Variants in CCDC63 observed in about 807,000 individuals in gnomAD.
CCDC63 encodes the protein coiled-coil domain-containing protein 63.
In CCDC63, 54 loss-of-function variants were observed where a neutral mutation model predicts 63.6. That is an observed-to-expected ratio of 0.85 (90% confidence interval 0.68 to 1.07). CCDC63 has a LOEUF of 1.07. CCDC63 is among the 50% of genes least tolerant of loss of function. The pLI is 0.00. For synonymous variants in CCDC63, 253 were observed against 266.1 expected (o/e 0.95, Z 0.48); for missense variants, 637 against 689.6 (o/e 0.92, Z 0.86).
chr12:110,904,019 C>T (rs1050889331), intron 10 of CCDC63, among the ~76,000 whole-genome samples: 3 of 152,048 alleles, frequency 2.0e-5, no homozygotes, highest in African/African-American at 4.8e-5. Context: ...ATTGAGATAC[C>T]GTATGTCTGC....
chr12:110,906,032 TAATAATATA>T, intron 11 of CCDC63, among the ~76,000 whole-genome samples: 4 of 74,382 alleles, frequency 5.4e-5, no homozygotes, highest in Admixed American at 2.4e-4. Context: ...TTATATATTA[TAATAATATA>T]ATATATAATA....
intron 1 of CCDC63, among the ~76,000 whole-genome samples, chr12:110,850,515 G>T (rs2070692695): frequency 6.6e-6 from 1 of 152,214 alleles, no homozygotes; most frequent in African/African-American, 2.4e-5. Context: ...GCCGAGGTGG[G>T]CGGATCACCT....
rs1338945501 is a variant in CCDC63, at chr12:110,858,870, C to A, written c.369+95C>A. 1.9e-5 allele frequency: 19 copies of A among 1,023,592 alleles called. No individual in the cohort carries two copies. In the African/African-American group the frequency reaches 2.7e-4, roughly 15 times the overall value. The allele number at this position is 1,023,592 out of a possible 1,614,324, so 63.4% of individuals were successfully genotyped here. On this transcript the variant is annotated intron_variant, in intron 4 of 11. Coordinates refer to ENST00000308208, the MANE Select transcript of CCDC63 (RefSeq NM_152591.3). ...GATGCCTTAGGCCAGACCTGACACC[C>A]CTGTATCACAGTATCTCCTCTGGAC...
intron 5 of CCDC63, among the ~76,000 whole-genome samples, chr12:110,878,094 G>C (rs2071154778): frequency 6.6e-6 from 1 of 152,098 alleles, no homozygotes; most frequent in South Asian, 2.1e-4. Context: ...TTAGCGTAAT[G>C]TCCTCCAGTT....
chr12:110,888,090 C>T (rs1365369336), intron 8 of CCDC63, among the ~76,000 whole-genome samples: 2 of 152,208 alleles, frequency 1.3e-5, no homozygotes, highest in Non-Finnish European at 2.9e-5. Context: ...CATCGGCTCC[C>T]TCTTCGCTCA....
At chr12:110,855,163 A>G (rs1453342856) in intron 3 of CCDC63, among the ~76,000 whole-genome samples, 2 of 152,196 alleles carry the variant, frequency 1.3e-5, no homozygotes, top group East Asian at 1.9e-4. Flanking sequence ...AGGGACCTCC[A>G]TGTGAATTTT....
chr12:110,904,449 C>A, intron 10 of CCDC63, 139 bp from the exon 11 acceptor site: 2 of 687,516 alleles, frequency 2.9e-6, no homozygotes, highest in Non-Finnish European at 2.6e-6. Flanking sequence ...AGGAGAAAGC[C>A]TTTTCCTTGT....
intron 9 of CCDC63, among the ~76,000 whole-genome samples, chr12:110,896,022 T>C (rs532121587): frequency 6.6e-6 from 1 of 152,350 alleles, no homozygotes; most frequent in Admixed American, 6.5e-5. Context: ...GTAAAGTACC[T>C]GGAATATTTT....
intron 9 of CCDC63, 86 bp downstream of exon 9, chr12:110,893,236 C>T (rs1008300986): frequency 9.9e-6 from 11 of 1,114,326 alleles, no homozygotes; most frequent in East Asian, 4.7e-5. Context: ...GTCTGTCCGT[C>T]GGGCATCTGT....
intron 5 of CCDC63, among the ~76,000 whole-genome samples, chr12:110,877,659 G>A (rs1320205763): frequency 2.0e-5 from 3 of 150,298 alleles, no homozygotes; most frequent in Non-Finnish European, 4.4e-5. Context: ...CTCTGCCCTG[G>A]TAACCACTGT....
At chr12:110,859,963 C>T (rs903452881) in intron 4 of CCDC63, among the ~76,000 whole-genome samples, 10 of 152,126 alleles carry the variant, frequency 6.6e-5, no homozygotes, top group Non-Finnish European at 1.5e-4. Context: ...GTGACTTTCT[C>T]AGGGAGGCCT....
intron 9 of CCDC63, 151 bp from the exon 10 acceptor site, chr12:110,898,781 CT>C: frequency 2.1e-6 from 1 of 485,040 alleles, no homozygotes; most frequent in Non-Finnish European, 3.6e-6. Context: ...TATTTTATTT[CT>C]TTAAAATTTG....
chr12:110,854,362 C>A (rs896075041), intron 3 of CCDC63, among the ~76,000 whole-genome samples: 2 of 138,038 alleles, frequency 1.4e-5, no homozygotes, highest in African/African-American at 5.3e-5. Context: ...TGGCGTGATC[C>A]CAGCTCACTG....
At chr12:110,868,537 C>G (rs2071009978) in intron 4 of CCDC63, among the ~76,000 whole-genome samples, 3 of 150,790 alleles carry the variant, frequency 2.0e-5, no homozygotes, top group African/African-American at 7.3e-5. Context: ...GGAGACCGGC[C>G]CGGCCAACAC....
At chr12:110,890,074 C>T (rs539533702) in intron 8 of CCDC63, among the ~76,000 whole-genome samples, 3 of 152,182 alleles carry the variant, frequency 2.0e-5, no homozygotes, top group East Asian at 3.9e-4. Flanking sequence ...GGGCGGATCA[C>T]TTGAGCCCAG....
At position 110,852,874 on chromosome 12, in the gene CCDC63, C is replaced by G. The variant is rs1196608497; in HGVS notation, c.-81C>G. ...CCATGAACAGGGCATTGCAGAGAGACAGAGAGAGAGAGGAAGGCTCACTGG... is the reference window on the plus strand; with the variant it reads ...CCATGAACAGGGCATTGCAGAGAGAGAGAGAGAGAGAGGAAGGCTCACTGG... On this transcript the variant is annotated 5_prime_UTR_variant, in exon 2 of 12. Transcript: ENST00000308208. 1 of 1,599,528 alleles carries G rather than the reference C, an allele frequency of 6.3e-7. No individual in the cohort carries two copies. Among genetic ancestry groups the G allele is most frequent in the Non-Finnish European group, 8.6e-7 (1 of 1,167,864 alleles).
rs67701132 is a variant in CCDC63 at position 110,858,110 on chromosome 12, TATAAAATAAAATAAAATAAA to T, written c.180-444_180-425del. Among the ~76,000 whole-genome samples, 895 of 137,850 alleles carry T rather than the reference TATAAAATAAAATAAAATAAA, an allele frequency of 6.5e-3. 4 individuals carry two copies. Among genetic ancestry groups the T allele is most frequent in the South Asian group, 0.015 (66 of 4,306 alleles). The allele number at this position is 137,850 out of a possible 152,430, so 90.4% of individuals were successfully genotyped here. On this transcript the variant is annotated intron_variant, in intron 3 of 11. Coordinates refer to ENST00000308208, the MANE Select transcript of CCDC63 (RefSeq NM_152591.3). Reference sequence around the variant, plus strand: ...AACAGAGTGAGACTCTGTCTCAAAATATAAAATAAAATAAAATAAAATAAAATAAAATAAAATAAAATAAA... The same window carrying T: ...AACAGAGTGAGACTCTGTCTCAAAATATAAAATAAAATAAAATAAAATAAA...
At position 110,898,985 on chromosome 12, in the gene CCDC63, G is replaced by A. The variant is rs760263993; in HGVS notation, c.1202G>A (p.Gly401Glu). 1 of 1,613,140 alleles carries A rather than the reference G, an allele frequency of 6.2e-7. No individual in the cohort carries two copies. The highest frequency in any genetic ancestry group is 1.1e-5 in the South Asian group (1 of 90,754). Residue 401 changes from glycine (G) to glutamate (E), a missense_variant, in exon 10 of 12, where the codon GGG becomes GAG. Transcript: ENST00000308208. ...EEADMYESKY[G>E]EVSKTLDLLK... is the part of the protein sequence containing the mutation. ...GCAGATATGTATGAGAGCAAGTACG[G>A]GGAGGTCAGCAAGACCTTGGATCTA...
At chr12:110,885,905 A>G (rs2071272943) in intron 8 of CCDC63, among the ~76,000 whole-genome samples, 1 of 152,244 alleles carries the variant, frequency 6.6e-6, no homozygotes, top group South Asian at 2.1e-4. Flanking sequence ...GAGCTTGCAG[A>G]GCAAACTTGT....
Sources: gnomAD v4.1 joint callset for allele counts (sites outside exome capture counted in the v4.1 genomes callset) on GRCh38, gnomAD v4.1.1 for gene constraint, MANE v1.5 for transcripts, NCBI Gene and HGNC (gene_info 2026-07-23, HGNC 2026-07-21) for gene names.